Variants in ADRA1A observed in about 807,000 individuals in gnomAD.
The protein encoded by ADRA1A is alpha-1A adrenergic receptor.
ADRA1A carries 31 observed loss-of-function variants against 29.6 expected under a neutral mutation model. The observed-to-expected ratio is 1.05, with a 90% CI of 0.79 to 1.41. ADRA1A has a LOEUF of 1.41. Among genes scored for constraint, ADRA1A ranks in the 40% most tolerant of loss-of-function variants. The probability of loss-of-function intolerance (pLI) is 0.00; values close to 1 mark genes in which losing one functional copy is unlikely to be tolerated. For synonymous variants in ADRA1A, 311 were observed against 254.3 expected, an observed-to-expected ratio of 1.22 and a Z score of -2.12; for missense variants, 619 against 601.1, an observed-to-expected ratio of 1.03 and a Z score of -0.31.
intron 2 of ADRA1A, among the ~76,000 whole-genome samples, chr8:26,824,761 G>A (rs1222035821): frequency 6.6e-6 from 1 of 152,104 alleles, no homozygotes; most frequent in African/African-American, 2.4e-5. Flanking sequence ...CACACACATG[G>A]CCAATTACCA....
chr8:26,763,148 C>A (rs1159800840), downstream of ADRA1A, among the ~76,000 whole-genome samples: 25 of 151,988 alleles, frequency 1.6e-4, no homozygotes. This position sits in a 1 kb window ranked among gnomAD's most constrained non-coding sequence, Gnocchi z 4.5. Context: ...CCCCTCATAC[C>A]CAGCATGCTT....
chr8:26,859,536 T>C (rs1563315279), intron 2 of ADRA1A, among the ~76,000 whole-genome samples: 2 of 152,242 alleles, frequency 1.3e-5, no homozygotes, highest in African/African-American at 2.4e-5. Context: ...AACTAGACTG[T>C]GAGGCCCTTG....
chr8:26,799,166 TA>T (rs199547291), intron 2 of ADRA1A, among the ~76,000 whole-genome samples: 14 of 151,612 alleles, frequency 9.2e-5, no homozygotes, highest in South Asian at 2.1e-4. Flanking sequence ...TCTTCTGCTG[TA>T]AAAAAAAAGA....
At chr8:26,829,830 A>G (rs2130642858) in intron 2 of ADRA1A, among the ~76,000 whole-genome samples, 1 of 152,244 alleles carries the variant, frequency 6.6e-6, no homozygotes, top group South Asian at 2.1e-4. Context: ...AGACAGCCCC[A>G]CGCTGCCCCT....
Position 26,811,084 on chromosome 8 carries a change from C to G in ADRA1A, c.884-40418G>C, listed in dbSNP as rs561136023. On this transcript the variant is annotated intron_variant, in intron 2 of 2. Transcript: ENST00000380573. ...CAGTTCACTAGCAAACATAGATGAACCTTGGGTGCATTTCTTTATCATCAT... is the reference window on the plus strand; with the variant it reads ...CAGTTCACTAGCAAACATAGATGAAGCTTGGGTGCATTTCTTTATCATCAT... Among the ~76,000 whole-genome samples, 252 of 152,312 alleles carry G rather than the reference C, an allele frequency of 1.7e-3. 1 individual carries two copies. Among genetic ancestry groups the G allele is most frequent in the Non-Finnish European group, 2.7e-3 (185 of 68,040 alleles).
At chr8:26,798,109 G>T (rs1236323259) in intron 2 of ADRA1A, among the ~76,000 whole-genome samples, 1 of 152,154 alleles carries the variant, frequency 6.6e-6, no homozygotes, top group African/African-American at 2.4e-5. Context: ...CTCCTGAGTA[G>T]CTGGGATTAC....
At chr8:26,830,066 T>C (rs1054797707) in intron 2 of ADRA1A, among the ~76,000 whole-genome samples, 1 of 152,170 alleles carries the variant, frequency 6.6e-6, no homozygotes, top group Non-Finnish European at 1.5e-5. Context: ...GTCCTGGGCC[T>C]CTAATGGACT....
chr8:26,846,514 A>G (rs974523656), intron 2 of ADRA1A, among the ~76,000 whole-genome samples: 1 of 152,182 alleles, frequency 6.6e-6, no homozygotes, highest in Non-Finnish European at 1.5e-5. Context: ...CATGCCTGTA[A>G]TCCTAGCACT....
intron 2 of ADRA1A, among the ~76,000 whole-genome samples, chr8:26,803,054 G>C (rs1304456159): frequency 2.0e-5 from 3 of 152,150 alleles, no homozygotes; most frequent in Non-Finnish European, 4.4e-5. Flanking sequence ...ACAGAGAGTA[G>C]AATGATGGTT....
In ADRA1A at chr8:26,815,163, T is replaced by TA. The variant is rs1202784548; in HGVS notation, c.884-44498dup. Reference sequence around the variant, plus strand: ...CCACTACCAAATCCTCACCAAGACTTACTGGGTTAAATCTTGTGGTAAACT... The same window carrying TA: ...CCACTACCAAATCCTCACCAAGACTTAACTGGGTTAAATCTTGTGGTAAACT... On this transcript the variant is annotated intron_variant, in intron 2 of 2. Transcript: ENST00000380573. This position sits in a 1 kb window ranked among gnomAD's most constrained non-coding sequence, Gnocchi z 4.2. Among the ~76,000 whole-genome samples, 6 of 152,216 alleles carry TA rather than the reference T, an allele frequency of 3.9e-5. No individual in the cohort carries two copies. Among genetic ancestry groups the TA allele is most frequent in the African/African-American group, 1.4e-4 (6 of 41,466 alleles).
At chr8:26,794,925 T>A (rs1217135133) in intron 2 of ADRA1A, among the ~76,000 whole-genome samples, 1 of 152,128 alleles carries the variant, frequency 6.6e-6, no homozygotes, top group Non-Finnish European at 1.5e-5. Context: ...ATATAAATAA[T>A]GGAAAAGGCA....
At chr8:26,756,760 C>T (rs780279755) in exon 3 of ADRA1A, 49 of 1,614,004 alleles carry the variant, frequency 3.0e-5, no homozygotes, top group Non-Finnish European at 4.0e-5. Flanking sequence ...AAGCTGGCTT[C>T]ATGTCATGGG....
chr8:26,770,391 T>C lies in ADRA1A; in HGVS notation c.1159A>G (p.Arg387Gly), dbSNP rs771483951. 1.2e-6 allele frequency: 2 copies of C among 1,614,248 alleles called. No individual in the cohort carries two copies. The highest frequency in any genetic ancestry group is 3.3e-5 in the Admixed American group (2 of 60,036). ...CAAACGCCATCCGTCTTGGAGATCC[T>C]GTAGAAGGTCTCTCTTGATCCCACG... ...IPVGSRETFY[R>G]ISKTDGVCEW... The change falls in exon 3 of 3, where the codon AGG (arginine) becomes GGG (glycine). Residue 387 changes from arginine to glycine, a missense_variant. Arg to Gly is a moderately radical substitution (Grantham distance 125, BLOSUM62 -2). Coordinates refer to ENST00000380573, the MANE Select transcript of ADRA1A (RefSeq NM_000680.4).
At position 26,823,229 on chromosome 8, in the gene ADRA1A, C is replaced by T. The variant is rs1000234395; in HGVS notation, c.883+40858G>A. Among the ~76,000 whole-genome samples the T allele has an allele frequency of 2.6e-5, 4 of 152,162 alleles. No individual in the cohort carries two copies. The highest frequency in any genetic ancestry group is 5.9e-5 in the Non-Finnish European group (4 of 68,040). On this transcript the variant is annotated intron_variant, in intron 2 of 2. Coordinates refer to ENST00000380573, the MANE Select transcript of ADRA1A (RefSeq NM_000680.4). The surrounding 1 kb of genome is among the most constrained non-coding windows in gnomAD (Gnocchi z 4.2). The stretch of plus-strand genomic sequence containing the variant: ...GGCTAGCCTTTCTGCAAAGTGTGCT[C>T]TTGTCTGTGACACATGCTTCTTTGG...
rs747014204 is a variant in ADRA1A, at chr8:26,770,631, C to T, written c.919G>A (p.Val307Ile). ...CCGAGCCAAAATACTATTTTAAAAACTGTTTCAGAGGGCTTGAAATCAGGG... is the reference window on the plus strand; with the variant it reads ...CCGAGCCAAAATACTATTTTAAAAATTGTTTCAGAGGGCTTGAAATCAGGG... Reference protein sequence around the residue: ...FFPDFKPSETVFKIVFWLGYL... With the variant: ...FFPDFKPSETIFKIVFWLGYL... The change falls in exon 3 of 3, where the codon GTT becomes ATT. Residue 307 changes from valine to isoleucine, a missense_variant. Physicochemically the swap from Val to Ile is conservative, Grantham distance 29. Transcript: ENST00000380573. 4.3e-6 allele frequency: 7 copies of T among 1,613,942 alleles called. No homozygotes were observed. Among genetic ancestry groups the T allele is most frequent in the Admixed American group, 1.7e-5 (1 of 60,008 alleles).
Position 26,768,951 on chromosome 8 carries a change from A to C in ADRA1A, c.*1198T>G. Reference sequence around the variant, plus strand: ...TTACCAGAACAAATGGCCTTCTATCAAAAAATGTTTGCAAACTCCTGCGTT... The same window carrying C: ...TTACCAGAACAAATGGCCTTCTATCCAAAAATGTTTGCAAACTCCTGCGTT... On this transcript the variant is annotated 3_prime_UTR_variant, in exon 3 of 3. Coordinates refer to ENST00000380573, the MANE Select transcript of ADRA1A (RefSeq NM_000680.4). The C allele has an allele frequency of 1.0e-6, 1 of 985,422 alleles. No individual in the cohort carries two copies. Among genetic ancestry groups the C allele is most frequent in the Non-Finnish European group, 1.2e-6 (1 of 829,906 alleles). The allele number at this position is 985,422 out of a possible 1,614,324, so 61.0% of individuals were successfully genotyped here.
chr8:26,864,369 G>C lies in ADRA1A; in HGVS notation c.601C>G (p.Leu201Val), dbSNP rs61757008. The change falls in exon 2 of 3, where the codon CTG becomes GTG. Residue 201 changes from leucine to valine, a missense_variant. By Grantham distance (32) the Leu-to-Val change is conservative. Transcript: ENST00000380573. This position sits in a 1 kb window ranked among gnomAD's most constrained non-coding sequence, Gnocchi z 8.1. ...GSFYLPLAII[L>V]VMYCRVYVVA... ...ACGTAGACGCGGCAGTACATGACCA[G>C]GATGATGGCCAGAGGCAGGTAGAAG... The C allele has an allele frequency of 3.0e-5, 48 of 1,613,902 alleles. No individual in the cohort carries two copies. The highest frequency in any genetic ancestry group is 4.1e-5 in the Non-Finnish European group (48 of 1,180,036).
At chr8:26,800,932 A>G (rs763994473) in intron 2 of ADRA1A, among the ~76,000 whole-genome samples, 4 of 152,218 alleles carry the variant, frequency 2.6e-5, no homozygotes, top group African/African-American at 4.8e-5. Flanking sequence ...ATTCATCATG[A>G]CCAACTGAGA....
At chr8:26,861,555 G>A (rs1447695751) in intron 2 of ADRA1A, among the ~76,000 whole-genome samples, 2 of 151,962 alleles carry the variant, frequency 1.3e-5, no homozygotes, top group East Asian at 3.9e-4. Flanking sequence ...TATATCTGTA[G>A]CCCGCCTCCT....
Sources: allele counts gnomAD v4.1 joint callset (sites outside exome capture counted in the v4.1 genomes callset), GRCh38; gene constraint gnomAD v4.1.1; non-coding constraint Gnocchi (gnomAD v3.1); transcripts MANE v1.5; gene names NCBI Gene and HGNC (gene_info 2026-07-23, HGNC 2026-07-21).